PRKG1: variants seen among roughly 807,000 people sequenced by gnomAD.
PRKG1 encodes cGMP-dependent protein kinase 1.
Under a neutral mutation model 88.1 loss-of-function variants are expected in PRKG1, and 35 were observed. The ratio of observed to expected loss-of-function variants is 0.40; its 90% CI spans 0.30 to 0.53. The LOEUF (loss-of-function observed/expected upper bound fraction) is 0.53. PRKG1 is among the 20% of genes least tolerant of loss of function. The pLI is 0.59. For synonymous variants in PRKG1, 303 were observed against 292.5 expected, an observed-to-expected ratio of 1.04 and a Z score of -0.37; for missense variants, 540 against 839.8, an observed-to-expected ratio of 0.64 and a Z score of 4.41.
At chr10:51,618,748 A>AT (rs1430054708) in intron 3 of PRKG1, among the ~76,000 whole-genome samples, 6 of 151,750 alleles carry the variant, frequency 4.0e-5, no homozygotes, top group Non-Finnish European at 8.8e-5. Context: ...TTAGGCATTT[A>AT]TTTTTTATTA....
At chr10:51,573,814 T>G (rs1837817563) in intron 3 of PRKG1, among the ~76,000 whole-genome samples, 2 of 151,866 alleles carry the variant, frequency 1.3e-5, no homozygotes, top group South Asian at 4.1e-4. Flanking sequence ...TGAGCACCCG[T>G]GCCAGTTTAA....
intron 3 of PRKG1, among the ~76,000 whole-genome samples, chr10:51,783,192 C>T (rs1352617684): frequency 6.6e-6 from 1 of 152,130 alleles, no homozygotes; most frequent in African/African-American, 2.4e-5. Flanking sequence ...ATTCTCTTTG[C>T]TCTTGCTCCT....
chr10:51,839,804 A>G (rs940447398), intron 4 of PRKG1, among the ~76,000 whole-genome samples: 1 of 152,206 alleles, frequency 6.6e-6, no homozygotes, highest in Non-Finnish European at 1.5e-5. Flanking sequence ...CAGTCCCATG[A>G]GGGCTGCCCC....
At chr10:52,183,394 C>T (rs1361728293) in intron 9 of PRKG1, among the ~76,000 whole-genome samples, 1 of 152,178 alleles carries the variant, frequency 6.6e-6, no homozygotes, top group Non-Finnish European at 1.5e-5. Flanking sequence ...AGCATGTCAG[C>T]TGTTCTGTGG....
chr10:52,105,933 A>G lies in PRKG1; in HGVS notation c.936-27907A>G, dbSNP rs555323539. ...TGCACCCATCACTCAAGCAGTGTAC[A>G]CTGTACCAAATGTGTAGTCTTTTAT... is the stretch of plus-strand genomic sequence containing the variant. On this transcript the variant is annotated intron_variant, in intron 7 of 17. Coordinates refer to ENST00000373980, the MANE Select transcript of PRKG1 (RefSeq NM_006258.4). Among the ~76,000 whole-genome samples, 29 of 151,770 alleles carry G rather than the reference A, an allele frequency of 1.9e-4. No homozygotes were observed. In the South Asian group the frequency reaches 5.9e-3, roughly 31 times the overall value.
chr10:51,701,225 T>G (rs1248332025), intron 3 of PRKG1, among the ~76,000 whole-genome samples: 3 of 152,252 alleles, frequency 2.0e-5, no homozygotes, highest in Admixed American at 6.5e-5. Context: ...AGCCTGTGCT[T>G]TAATTCCAAA....
chr10:51,589,757 A>T (rs10998386), intron 3 of PRKG1, among the ~76,000 whole-genome samples: 9,712 of 152,300 alleles, frequency 0.064, 996 homozygotes, highest in African/African-American at 0.22. Flanking sequence ...CAAGTGCAAA[A>T]CTTGTAAGAA....
chr10:51,348,802 A>G (rs1241043908), intron 2 of PRKG1, among the ~76,000 whole-genome samples: 1 of 152,172 alleles, frequency 6.6e-6, no homozygotes, highest in Non-Finnish European at 1.5e-5. Context: ...AGTGTACTGC[A>G]TCCATTCTTC....
At chr10:51,755,422 T>A (rs1837834590) in intron 3 of PRKG1, among the ~76,000 whole-genome samples, 1 of 152,192 alleles carries the variant, frequency 6.6e-6, no homozygotes, top group African/African-American at 2.4e-5. Context: ...CTATCTCACC[T>A]AGTAAACAAT....
intron 2 of PRKG1, among the ~76,000 whole-genome samples, chr10:51,253,457 A>T (rs1459470904): frequency 6.6e-6 from 1 of 151,906 alleles, no homozygotes; most frequent in Admixed American, 6.6e-5. Context: ...TCCCCCCAAT[A>T]GACATCCCCT....
At chr10:51,525,673 G>A (rs1841863961) in intron 3 of PRKG1, among the ~76,000 whole-genome samples, 2 of 151,964 alleles carry the variant, frequency 1.3e-5, no homozygotes, top group Non-Finnish European at 2.9e-5. Flanking sequence ...CCTCCAGCCT[G>A]GGCAACAGAG....
chr10:51,886,130 A>T (rs949505756), intron 4 of PRKG1, among the ~76,000 whole-genome samples: 2 of 152,192 alleles, frequency 1.3e-5, no homozygotes, highest in African/African-American at 4.8e-5. Context: ...GGTTCAAATG[A>T]TCCTCCAGCT....
intron 3 of PRKG1, among the ~76,000 whole-genome samples, chr10:51,616,566 G>T (rs755167034): frequency 6.6e-5 from 10 of 152,044 alleles, no homozygotes; most frequent in Non-Finnish European, 1.5e-4. Flanking sequence ...GTGCTCAGGT[G>T]CCAACAGTGA....
At chr10:51,517,188 T>C (rs752973946) in intron 3 of PRKG1, among the ~76,000 whole-genome samples, 41 of 152,164 alleles carry the variant, frequency 2.7e-4, no homozygotes, top group Non-Finnish European at 5.3e-4. Context: ...CAGTTACAAC[T>C]GAATGTTTTT....
intron 3 of PRKG1, among the ~76,000 whole-genome samples, chr10:51,544,679 A>G (rs1193463224): frequency 3.9e-5 from 6 of 152,156 alleles, no homozygotes; most frequent in African/African-American, 1.4e-4. Flanking sequence ...CCAACAGTGT[A>G]AAAGTGTTCC....
chr10:51,114,766 G>A (rs2131902985), intron 1 of PRKG1, among the ~76,000 whole-genome samples: 1 of 152,178 alleles, frequency 6.6e-6, no homozygotes, highest in South Asian at 2.1e-4. Context: ...AGTGTATTGA[G>A]GGGTTAGATA....
At chr10:51,698,728 T>C (rs1564612140) in intron 3 of PRKG1, 1 of 1,614,146 alleles carries the variant, frequency 6.2e-7, no homozygotes, top group East Asian at 2.2e-5. Context: ...CAGGACCAGC[T>C]CCGGGAACTG....
chr10:51,513,160 G>C (rs569487079), intron 3 of PRKG1, among the ~76,000 whole-genome samples: 201 of 150,712 alleles, frequency 1.3e-3, no homozygotes, highest in African/African-American at 4.7e-3. Flanking sequence ...GATCTACCAA[G>C]CAAATGGAAA....
intron 5 of PRKG1, among the ~76,000 whole-genome samples, chr10:51,918,331 T>C (rs1842388914): frequency 8.7e-6 from 1 of 115,090 alleles, no homozygotes; most frequent in Non-Finnish European, 1.8e-5. Flanking sequence ...TCGACTTGAC[T>C]TATTTTTTTT....
Sources: allele counts gnomAD v4.1 joint callset (sites outside exome capture counted in the v4.1 genomes callset), GRCh38; gene constraint gnomAD v4.1.1; transcripts MANE v1.5; gene names NCBI Gene and HGNC (gene_info 2026-07-23, HGNC 2026-07-21).